The following KLHL1 variants were observed in gnomAD, a reference collection of about 807,000 sequenced individuals.
KLHL1 encodes the protein kelch-like protein 1.
Under a neutral mutation model 77.7 loss-of-function variants are expected in KLHL1, and 47 were observed. The observed-to-expected ratio is 0.60, with a 90% confidence interval of 0.48 to 0.77. KLHL1 has a LOEUF of 0.77. Ranked by LOEUF, KLHL1 falls within the 30% of genes least tolerant of loss-of-function variation. KLHL1 has a pLI of 0.00. For missense variants in KLHL1, 925 were observed against 910.8 expected, an observed-to-expected ratio of 1.02 and a Z score of -0.20; for synonymous variants, 360 against 325.2, an observed-to-expected ratio of 1.11 and a Z score of -1.15.
chr13:70,043,657 A>G (rs1311710212), intron 1 of KLHL1, among the ~76,000 whole-genome samples: 2 of 152,208 alleles, frequency 1.3e-5, no homozygotes, highest in East Asian at 3.9e-4. Flanking sequence ...TTGTGTTACA[A>G]TTGCCTACAA....
intron 7 of KLHL1, among the ~76,000 whole-genome samples, chr13:69,754,530 T>G (rs1339604791): frequency 6.6e-6 from 1 of 152,146 alleles, no homozygotes; most frequent in Non-Finnish European, 1.5e-5. Context: ...CTTCCAAATT[T>G]TAATATTTTA....
chr13:69,966,846 G>C (rs1007408442), intron 2 of KLHL1, among the ~76,000 whole-genome samples: 4 of 152,036 alleles, frequency 2.6e-5, no homozygotes, highest in African/African-American at 9.7e-5. Flanking sequence ...AACTACTTAT[G>C]AGTGAAGACA....
intron 7 of KLHL1, among the ~76,000 whole-genome samples, chr13:69,779,874 G>A (rs1304047815): frequency 2.0e-5 from 3 of 151,898 alleles, no homozygotes; most frequent in Admixed American, 6.6e-5. Flanking sequence ...GCAATGGTGC[G>A]ATCTCGGCTC....
chr13:70,066,345 T>C (rs1323638519), intron 1 of KLHL1, among the ~76,000 whole-genome samples: 1 of 152,198 alleles, frequency 6.6e-6, no homozygotes, highest in African/African-American at 2.4e-5. Context: ...CGAGCCTTTA[T>C]TGAATACCTA....
chr13:69,862,599 A>C (rs12867044), intron 5 of KLHL1, among the ~76,000 whole-genome samples: 1 of 151,746 alleles, frequency 6.6e-6, no homozygotes, highest in Non-Finnish European at 1.5e-5. Context: ...CTATGTACTG[A>C]ATTGTGTCCC....
intron 10 of KLHL1, among the ~76,000 whole-genome samples, chr13:69,702,408 T>C (rs1179499436): frequency 6.6e-6 from 1 of 151,698 alleles, no homozygotes; most frequent in Non-Finnish European, 1.5e-5. Context: ...GTAATGAAAA[T>C]TTATTCTTTG....
At chr13:69,935,092 T>C (rs1462724519) in intron 4 of KLHL1, among the ~76,000 whole-genome samples, 1 of 151,180 alleles carries the variant, frequency 6.6e-6, no homozygotes, top group Non-Finnish European at 1.5e-5. Context: ...TACTTTATAA[T>C]GATAATTTGT....
At chr13:70,069,257 T>A (rs190581414) in intron 1 of KLHL1, among the ~76,000 whole-genome samples, 2 of 152,184 alleles carry the variant, frequency 1.3e-5, no homozygotes, top group East Asian at 3.9e-4. Flanking sequence ...CCTTTGACAC[T>A]ATTTAAGTAG....
At chr13:69,967,835 A>C (rs931088844) in intron 2 of KLHL1, among the ~76,000 whole-genome samples, 1 of 151,884 alleles carries the variant, frequency 6.6e-6, no homozygotes, top group Non-Finnish European at 1.5e-5. Flanking sequence ...CAATGAGCCA[A>C]GATCGCACCA....
chr13:69,752,485 T>C (rs9599509), intron 7 of KLHL1, among the ~76,000 whole-genome samples: 37,423 of 152,140 alleles, frequency 0.25, 4,697 homozygotes, highest in South Asian at 0.32. Context: ...ATGTGGTACG[T>C]AGACATTGTT....
At chr13:69,813,503 C>CACACACACACACATATAT (rs34163072) in intron 6 of KLHL1, among the ~76,000 whole-genome samples, 21 of 148,922 alleles carry the variant, frequency 1.4e-4, no homozygotes, top group African/African-American at 5.2e-4. Context: ...CACACACACA[C>CACACACACACACATATAT]ATATATATAT....
At chr13:69,847,449 T>C (rs554186269) in intron 5 of KLHL1, among the ~76,000 whole-genome samples, 151 of 143,350 alleles carry the variant, frequency 1.1e-3, no homozygotes, top group African/African-American at 4.0e-3. Flanking sequence ...GGCAGGAAAA[T>C]AGGAGATGTA....
intron 3 of KLHL1, among the ~76,000 whole-genome samples, chr13:69,941,892 A>T (rs9542125): frequency 0.089 from 13,601 of 151,972 alleles, 761 homozygotes; most frequent in Middle Eastern, 0.16. Context: ...GGAAATATAC[A>T]ATCCCCCTAG....
At position 69,975,615 on chromosome 13, in the gene KLHL1, T is replaced by A; in HGVS notation, c.680+5A>T. 1 of 1,612,094 alleles carries A rather than the reference T, an allele frequency of 6.2e-7. No individual in the cohort carries two copies. Among genetic ancestry groups the A allele is most frequent in the Non-Finnish European group, 8.5e-7 (1 of 1,179,006 alleles). The stretch of plus-strand genomic sequence containing the variant: ...CATGTTTCCAGTAGAGGCAGACTAC[T>A]GTACCTATGTGCAGGTATCTTTCGG... On this transcript the variant is annotated splice_donor_5th_base_variant and intron_variant, in intron 2 of 10. Coordinates refer to ENST00000377844, the MANE Select transcript of KLHL1 (RefSeq NM_020866.3).
intron 6 of KLHL1, among the ~76,000 whole-genome samples, chr13:69,812,921 C>T (rs1593854040): frequency 6.9e-6 from 1 of 144,760 alleles, no homozygotes; most frequent in East Asian, 2.0e-4. Context: ...TGTGGCAATT[C>T]CTCAGGGATC....
chr13:69,736,291 T>G (rs747677657), intron 8 of KLHL1, among the ~76,000 whole-genome samples: 2 of 152,124 alleles, frequency 1.3e-5, no homozygotes, highest in Non-Finnish European at 2.9e-5. Context: ...GAAAAAATTC[T>G]CAACATCACT....
intron 1 of KLHL1, among the ~76,000 whole-genome samples, chr13:70,092,826 AC>A: frequency 6.6e-6 from 1 of 152,270 alleles, no homozygotes; most frequent in Non-Finnish European, 1.5e-5. Flanking sequence ...TTAAAATTAA[AC>A]AAATAGAGGA....
rs148765113 is a variant in KLHL1 at position 69,728,129 on chromosome 13, CT to C, written c.1803-8549del. ...ACTGAGATTCAGTAAACAGCAATTT[CT>C]TTTTTTTCTTTCTTTTTTAATGTGT... On this transcript the variant is annotated intron_variant, in intron 8 of 10. Transcript: ENST00000377844. Among the ~76,000 whole-genome samples the C allele has an allele frequency of 3.6e-4, 54 of 151,856 alleles. 1 individual carries two copies. In the East Asian group the frequency reaches 9.1e-3, roughly 26 times the overall value.
intron 4 of KLHL1, among the ~76,000 whole-genome samples, chr13:69,921,792 C>A (rs970651824): frequency 1.3e-5 from 2 of 151,666 alleles, no homozygotes; most frequent in Non-Finnish European, 2.9e-5. Context: ...AAATAATATA[C>A]AAAAGATGTA....
Sources: gnomAD v4.1 joint callset for allele counts (sites outside exome capture counted in the v4.1 genomes callset) on GRCh38, gnomAD v4.1.1 for gene constraint, MANE v1.5 for transcripts, NCBI Gene and HGNC (gene_info 2026-07-23, HGNC 2026-07-21) for gene names.